GRM7: variants seen among roughly 807,000 people sequenced by gnomAD.
GRM7 encodes the protein metabotropic glutamate receptor 7.
GRM7 carries 35 observed loss-of-function variants against 84.5 expected under a neutral mutation model. The ratio of observed to expected loss-of-function variants is 0.41; its 90% CI spans 0.32 to 0.55. The LOEUF is 0.55. Ranked by LOEUF, GRM7 falls within the 20% of genes least tolerant of loss-of-function variation. The probability of loss-of-function intolerance (pLI) is 0.19; values close to 1 mark genes in which losing one functional copy is unlikely to be tolerated. For missense variants in GRM7, 1,003 were observed against 1,194.6 expected (o/e 0.84, Z 2.36); for synonymous variants, 487 against 455.1 (o/e 1.07, Z -0.89).
At chr3:7,340,138 G>T (rs1032380379) in intron 4 of GRM7, among the ~76,000 whole-genome samples, 3 of 152,000 alleles carry the variant, frequency 2.0e-5, no homozygotes, top group African/African-American at 4.8e-5. Flanking sequence ...GAAATAATAA[G>T]GTTCTTTTAA....
chr3:6,896,300 T>C (rs922878955), intron 1 of GRM7, among the ~76,000 whole-genome samples: 6 of 152,174 alleles, frequency 3.9e-5, no homozygotes, highest in African/African-American at 1.2e-4. Flanking sequence ...GGCTGGCTCA[T>C]ATAGTATGAA....
chr3:7,699,285 C>T (rs950874081), intron 9 of GRM7, among the ~76,000 whole-genome samples: 3 of 152,112 alleles, frequency 2.0e-5, no homozygotes, highest in Non-Finnish European at 2.9e-5. Context: ...TAAATGTGAA[C>T]ATAATTACAT....
At chr3:6,918,686 G>A (rs1285086227) in intron 1 of GRM7, among the ~76,000 whole-genome samples, 3 of 152,136 alleles carry the variant, frequency 2.0e-5, no homozygotes, top group Admixed American at 6.6e-5. Context: ...ACTTTTCAGT[G>A]GATAGCAGAA....
rs138682588 is a variant in GRM7, at chr3:7,241,316, A to G, written c.737-57368A>G. Among the ~76,000 whole-genome samples the G allele has an allele frequency of 4.5e-3, 680 of 152,290 alleles. 3 individuals carry two copies. Among genetic ancestry groups the G allele is most frequent in the African/African-American group, 0.015 (623 of 41,560 alleles). On this transcript the variant is annotated intron_variant, in intron 2 of 9. Transcript: ENST00000357716. The stretch of plus-strand genomic sequence containing the variant: ...CTGCATAGTAGTAGTGGTAGTGGTC[A>G]CTGTCTGCGTTGTCATCATCATCCT...
At chr3:7,039,052 T>C (rs934171067) in intron 1 of GRM7, among the ~76,000 whole-genome samples, 7 of 152,210 alleles carry the variant, frequency 4.6e-5, no homozygotes, top group African/African-American at 1.7e-4. Flanking sequence ...CAGGCCATCC[T>C]GATGCATGGT....
chr3:7,262,369 C>T (rs1698464365), intron 2 of GRM7, among the ~76,000 whole-genome samples: 1 of 152,104 alleles, frequency 6.6e-6, no homozygotes, highest in Admixed American at 6.5e-5. Flanking sequence ...TTTGAGATTA[C>T]TTCTTCAGCT....
intron 1 of GRM7, among the ~76,000 whole-genome samples, chr3:7,028,261 T>C (rs1005975342): frequency 6.6e-6 from 1 of 152,224 alleles, no homozygotes; most frequent in African/African-American, 2.4e-5. Context: ...ATTTGTACTT[T>C]TTCTGCCCAA....
At chr3:7,584,317 A>C (rs112085332) in intron 8 of GRM7, among the ~76,000 whole-genome samples, 2 of 152,290 alleles carry the variant, frequency 1.3e-5, no homozygotes, top group African/African-American at 4.8e-5. Flanking sequence ...ATAGTGGGTC[A>C]AGTTAATTTG....
intron 2 of GRM7, among the ~76,000 whole-genome samples, chr3:7,273,473 T>G (rs1029968299): frequency 3.9e-5 from 6 of 152,116 alleles, no homozygotes; most frequent in African/African-American, 1.4e-4. Context: ...CAACTATAAT[T>G]GGGAATTTAC....
chr3:7,471,127 G>A (rs1171805816), intron 7 of GRM7, among the ~76,000 whole-genome samples: 2 of 151,608 alleles, frequency 1.3e-5, no homozygotes, highest in African/African-American at 4.8e-5. Context: ...CTTTGAAAAT[G>A]AATAGTGAAA....
intron 7 of GRM7, among the ~76,000 whole-genome samples, chr3:7,499,707 G>T (rs1166503549): frequency 1.3e-5 from 2 of 151,776 alleles, no homozygotes; most frequent in Admixed American, 6.6e-5. Context: ...AGATAAAACT[G>T]TTGAAGTGGA....
chr3:7,276,789 TCC>T (rs1699081001), intron 2 of GRM7, among the ~76,000 whole-genome samples: 9 of 3,514 alleles, frequency 2.6e-3, no homozygotes, highest in East Asian at 8.3e-3. Flanking sequence ...CTTCCTTCCT[TCC>T]TTCCTTCCTT....
At chr3:7,530,699 G>A (rs866136488) in intron 7 of GRM7, among the ~76,000 whole-genome samples, 1 of 152,072 alleles carries the variant, frequency 6.6e-6, no homozygotes, top group East Asian at 1.9e-4. Flanking sequence ...GACCAGTGAT[G>A]ATGGGCTTTT....
intron 1 of GRM7, among the ~76,000 whole-genome samples, chr3:7,136,194 T>C (rs1193158437): frequency 6.6e-6 from 1 of 151,584 alleles, no homozygotes; most frequent in Non-Finnish European, 1.5e-5. Flanking sequence ...ATTTTTTTTT[T>C]CTATTTTAAC....
chr3:7,470,871 A>G (rs943517574), intron 7 of GRM7, among the ~76,000 whole-genome samples: 13 of 152,058 alleles, frequency 8.5e-5, no homozygotes, highest in African/African-American at 2.9e-4. Context: ...GAAGCCAAAA[A>G]ATTCTAGAAT....
intron 1 of GRM7, among the ~76,000 whole-genome samples, chr3:6,924,971 C>T (rs576785279): frequency 1.3e-5 from 2 of 152,064 alleles, no homozygotes; most frequent in African/African-American, 4.8e-5. Flanking sequence ...ATATAGGGAC[C>T]CACAGTTACA....
intron 1 of GRM7, among the ~76,000 whole-genome samples, chr3:7,027,074 T>C (rs1231319499): frequency 1.3e-5 from 2 of 152,222 alleles, no homozygotes; most frequent in Non-Finnish European, 2.9e-5. Context: ...TCACCACAAA[T>C]TCCACCTCTT....
chr3:7,312,928 CTTTT>C (rs1156295885), intron 4 of GRM7, among the ~76,000 whole-genome samples: 1 of 124,110 alleles, frequency 8.1e-6, no homozygotes, highest in Non-Finnish European at 1.6e-5. Flanking sequence ...CCTTTTTTTT[CTTTT>C]TTTCTTTTTT....
At chr3:7,072,831 T>C (rs1359828013) in intron 1 of GRM7, among the ~76,000 whole-genome samples, 2 of 152,224 alleles carry the variant, frequency 1.3e-5, no homozygotes. Context: ...ATGTTTGCTG[T>C]AGGATTTTAA....
Sources: gnomAD v4.1 joint callset for allele counts (sites outside exome capture counted in the v4.1 genomes callset) on GRCh38, gnomAD v4.1.1 for gene constraint, MANE v1.5 for transcripts, NCBI Gene and HGNC (gene_info 2026-07-23, HGNC 2026-07-21) for gene names.